Variants in LRRC51 observed in about 807,000 individuals in gnomAD.
The protein encoded by LRRC51 is leucine-rich repeat-containing protein 51.
Under a neutral mutation model 17.8 loss-of-function variants are expected in LRRC51, and 8 were observed. That is an observed-to-expected ratio of 0.45 (90% CI 0.26 to 0.81). The LOEUF (loss-of-function observed/expected upper bound fraction) is 0.81, where lower values mean the gene tolerates loss of function less well. LRRC51 is among the 30% of genes least tolerant of loss of function. The pLI, the probability that LRRC51 is intolerant of heterozygous loss-of-function variation, is 0.17. For synonymous variants in LRRC51, 92 were observed against 96.0 expected, an observed-to-expected ratio of 0.96 and a Z score of 0.24; for missense variants, 233 against 239.3, an observed-to-expected ratio of 0.97 and a Z score of 0.17.
chr11:72,089,666 A>T (rs1944746732), intron 3 of LRRC51: 1 of 1,019,580 alleles, frequency 9.8e-7, no homozygotes, highest in Non-Finnish European at 1.2e-6. Flanking sequence ...GAGGGGTCTT[A>T]TCTACAAACT....
chr11:72,095,869 G>A lies in LRRC51; in HGVS notation c.*349G>A, dbSNP rs1001489981. ...GTTGTTGTTGTTGTTGTTTTGAGAC[G>A]GTTTCACTCGTCACCCCAGCTGGAG... is the stretch of plus-strand genomic sequence containing the variant. On this transcript the variant is annotated 3_prime_UTR_variant, in exon 6 of 6. Transcript: ENST00000289488. 5 of 362,248 alleles carry A rather than the reference G, an allele frequency of 1.4e-5. No individual in the cohort carries two copies. Among genetic ancestry groups the A allele is most frequent in the South Asian group, 6.8e-5 (3 of 44,308 alleles). 22.4% of individuals were successfully genotyped at this position (362,248 alleles called of 1,614,324 possible). A position where few individuals can be genotyped will look rare whatever the true frequency, so the allele number is the denominator to read the frequency against.
At chr11:72,091,503 C>T (rs1452864867) in intron 3 of LRRC51, among the ~76,000 whole-genome samples, 3 of 152,084 alleles carry the variant, frequency 2.0e-5, no homozygotes, top group African/African-American at 4.8e-5. Context: ...GGTGTCCTTC[C>T]AGTAGAGAGC....
At position 72,095,667 on chromosome 11, in the gene LRRC51, T is replaced by C; in HGVS notation, c.*147T>C. ...CAGGCAACTGCAAGTAGCTCTAGCC[T>C]TTTCTTTTCTTTTTTTTTTTTTTGA... On this transcript the variant is annotated 3_prime_UTR_variant, in exon 6 of 6. Coordinates refer to ENST00000289488, the MANE Select transcript of LRRC51 (RefSeq NM_145309.6). 1 of 1,495,214 alleles carries C rather than the reference T, an allele frequency of 6.7e-7. No individual in the cohort carries two copies. Among genetic ancestry groups the C allele is most frequent in the Non-Finnish European group, 8.9e-7 (1 of 1,126,762 alleles). 92.6% of individuals were successfully genotyped at this position (1,495,214 alleles called of 1,614,324 possible).
intron 3 of LRRC51, among the ~76,000 whole-genome samples, chr11:72,093,290 G>A (rs1318812958): frequency 6.6e-6 from 1 of 152,230 alleles, no homozygotes; most frequent in African/African-American, 2.4e-5. Flanking sequence ...CCAAGAGCTT[G>A]AGATAGAAGT....
Position 72,093,602 on chromosome 11 carries a change from T to C in LRRC51, c.189T>C (p.Asp63=), listed in dbSNP as rs1415338522. The C allele has an allele frequency of 1.9e-6, 3 of 1,614,188 alleles. No individual in the cohort carries two copies. In the Admixed American group the frequency reaches 5.0e-5, roughly 27 times the overall value. ...SLWLNNNVLN[D]LRDFNQVASQ... ...GGCTGAATAACAATGTTCTCAATGA[T>C]CTGAGAGACTTCAACCAGGTGGCTT... The change falls in exon 4 of 6, where the codon GAT becomes GAC. Residue 63 remains aspartate (D), a synonymous_variant. Transcript: ENST00000289488.
At chr11:72,095,199 C>A in intron 5 of LRRC51, 103 bp downstream of exon 5, 3 of 1,563,538 alleles carry the variant, frequency 1.9e-6, no homozygotes, top group Non-Finnish European at 2.6e-6. Context: ...ATGCTTGGAC[C>A]TGGGAAGGGA....
intron 3 of LRRC51, chr11:72,089,593 G>A (rs924682113): frequency 2.5e-6 from 3 of 1,187,284 alleles, no homozygotes; most frequent in Non-Finnish European, 3.2e-6. Flanking sequence ...TGGAGTCCCA[G>A]CAAGTAGGCA....
chr11:72,094,590 G>A lies in LRRC51; in HGVS notation c.289-358G>A. ...AACCAGTATTTTAAAAGCTTCTTAT[G>A]TGCCTAGCATGATGCTCTGTCTTCC... On this transcript the variant is annotated intron_variant, in intron 4 of 5. Transcript: ENST00000289488. 5 of 636,188 alleles carry A rather than the reference G, an allele frequency of 7.9e-6. No individual in the cohort carries two copies. In the South Asian group the frequency reaches 9.0e-5, roughly 11 times the overall value. The allele number at this position is 636,188 out of a possible 1,614,324, so 39.4% of individuals were successfully genotyped here.
At chr11:72,088,405 T>TTGTG in intron 2 of LRRC51, 25 bp downstream of exon 2, 1 of 702,302 alleles carries the variant, frequency 1.4e-6, no homozygotes, top group East Asian at 2.7e-5. Context: ...GACTCTGGTT[T>TTGTG]TGTGTGTGTG....
At position 72,096,655 on chromosome 11, in the gene LRRC51, C is replaced by T. The variant is rs1945225443; in HGVS notation, c.*1135C>T. The T allele has an allele frequency of 6.5e-7, 1 of 1,535,290 alleles. No homozygotes were observed. Among genetic ancestry groups the T allele is most frequent in the Non-Finnish European group, 8.8e-7 (1 of 1,140,302 alleles). On this transcript the variant is annotated 3_prime_UTR_variant, in exon 6 of 6. Coordinates refer to ENST00000289488, the MANE Select transcript of LRRC51 (RefSeq NM_145309.6). Reference sequence around the variant, plus strand: ...GGGAAATTTATCTAACTCTCTGGGCCCCTTTGTACTTTTCAGCTTAGAGAT... The same window carrying T: ...GGGAAATTTATCTAACTCTCTGGGCTCCTTTGTACTTTTCAGCTTAGAGAT...
At chr11:72,082,035 C>CCTA (rs1944248358) in intron 1 of LRRC51, among the ~76,000 whole-genome samples, 2 of 152,188 alleles carry the variant, frequency 1.3e-5, no homozygotes, top group Admixed American at 1.3e-4. Flanking sequence ...TTAGCTTCAG[C>CCTA]CTACTGCCTC....
chr11:72,081,495 T>C (rs1243377289), intron 1 of LRRC51, among the ~76,000 whole-genome samples: 3 of 151,852 alleles, frequency 2.0e-5, no homozygotes, highest in Non-Finnish European at 2.9e-5. Flanking sequence ...AACATAAAGC[T>C]CCCAAAATCG....
intron 1 of LRRC51, among the ~76,000 whole-genome samples, chr11:72,086,813 A>G (rs1040097349): frequency 3.9e-5 from 6 of 152,224 alleles, no homozygotes. Flanking sequence ...ATCCATGTTC[A>G]GTGGTGCATA....
intron 1 of LRRC51, among the ~76,000 whole-genome samples, chr11:72,087,291 T>C (rs1944591660): frequency 2.8e-4 from 1 of 3,534 alleles, no homozygotes; most frequent in African/African-American, 7.0e-4. Context: ...GAAATTCTTT[T>C]TTTTTTTTTT....
At position 72,086,147 on chromosome 11, in the gene LRRC51, T is replaced by A. The variant is rs1944519787; in HGVS notation, c.-139-2150T>A. The A allele has an allele frequency of 2.8e-5, 13 of 472,188 alleles. No homozygotes were observed. The South Asian group carries it at 3.8e-4, about 14-fold the overall frequency. 29.2% of individuals were successfully genotyped at this position (472,188 alleles called of 1,614,324 possible). A position where few individuals can be genotyped will look rare whatever the true frequency, so the allele number is the denominator to read the frequency against. ...ACAATCAGCCTAACACAGGACACAT[T>A]AACCAATTTTATCTGGAAAAGAAAG... On this transcript the variant is annotated intron_variant, in intron 1 of 5. Coordinates refer to ENST00000289488, the MANE Select transcript of LRRC51 (RefSeq NM_145309.6).
chr11:72,096,566 A>G lies in LRRC51; in HGVS notation c.*1046A>G. On this transcript the variant is annotated 3_prime_UTR_variant, in exon 6 of 6. Transcript: ENST00000289488. Reference sequence around the variant, plus strand: ...CTAGTCTTATTTTGCTGAAAAAGGGAGGCAATTGAGGGAAAGGCCTGCTGG... The same window carrying G: ...CTAGTCTTATTTTGCTGAAAAAGGGGGGCAATTGAGGGAAAGGCCTGCTGG... The G allele has an allele frequency of 7.3e-7, 1 of 1,370,092 alleles. No individual in the cohort carries two copies. 84.9% of individuals were successfully genotyped at this position (1,370,092 alleles called of 1,614,324 possible). A position where few individuals can be genotyped will look rare whatever the true frequency, so the allele number is the denominator to read the frequency against.
chr11:72,086,478 A>G (rs1198235455), intron 1 of LRRC51: 13 of 701,806 alleles, frequency 1.9e-5, no homozygotes, highest in Non-Finnish European at 2.9e-5. Flanking sequence ...ACAGCTTAGC[A>G]TCAACTCTTC....
intron 1 of LRRC51, chr11:72,083,974 G>A (rs1434317662): frequency 6.6e-6 from 1 of 152,260 alleles, no homozygotes; most frequent in Non-Finnish European, 1.5e-5. Flanking sequence ...TAACCTCCCA[G>A]AATATATTAG....
rs1014519837 is a variant in LRRC51, at chr11:72,092,682, C to T, written c.83-814C>T. Among the ~76,000 whole-genome samples, 4 of 152,234 alleles carry T rather than the reference C, an allele frequency of 2.6e-5. No individual in the cohort carries two copies. The East Asian group carries it at 7.7e-4, about 29-fold the overall frequency. On this transcript the variant is annotated intron_variant, in intron 3 of 5. Coordinates refer to ENST00000289488, the MANE Select transcript of LRRC51 (RefSeq NM_145309.6). Reference sequence around the variant, plus strand: ...GTCCCCCTTGTGCAGTGCGTGCAAGCACTTGTGCAGGCACACAAACCCGCC... The same window carrying T: ...GTCCCCCTTGTGCAGTGCGTGCAAGTACTTGTGCAGGCACACAAACCCGCC...
Sources: allele counts gnomAD v4.1 joint callset (sites outside exome capture counted in the v4.1 genomes callset), GRCh38; gene constraint gnomAD v4.1.1; transcripts MANE v1.5; gene names NCBI Gene and HGNC (gene_info 2026-07-23, HGNC 2026-07-21).